Variants in PRKCE observed in about 807,000 individuals in gnomAD.
PRKCE encodes protein kinase C epsilon type.
A neutral mutation model predicts 85.4 loss-of-function variants in PRKCE; 16 were observed. The ratio of observed to expected loss-of-function variants is 0.19; its 90% CI spans 0.13 to 0.28. The LOEUF (loss-of-function observed/expected upper bound fraction) is 0.28, where lower values mean the gene tolerates loss of function less well. Among genes scored for constraint, PRKCE ranks in the 10% least tolerant of loss-of-function variants. The probability of loss-of-function intolerance (pLI) is 1.00; values close to 1 mark genes in which losing one functional copy is unlikely to be tolerated. For synonymous variants in PRKCE, 388 were observed against 371.5 expected (o/e 1.04, Z -0.51); for missense variants, 573 against 975.2 (o/e 0.59, Z 5.49).
At chr2:45,806,169 A>G (rs371584707) in intron 1 of PRKCE, among the ~76,000 whole-genome samples, 2 of 152,136 alleles carry the variant, frequency 1.3e-5, no homozygotes, top group Non-Finnish European at 2.9e-5. Context: ...CTACATCTAC[A>G]TCCTTGAGAA....
chr2:46,119,675 G>A (rs6719520), intron 11 of PRKCE, among the ~76,000 whole-genome samples: 5,694 of 152,202 alleles, frequency 0.037, 375 homozygotes, highest in African/African-American at 0.13. Flanking sequence ...CTTAGCAAGT[G>A]AAGAAATATT....
chr2:45,904,955 G>A (rs929259772), intron 2 of PRKCE, among the ~76,000 whole-genome samples: 10 of 152,210 alleles, frequency 6.6e-5, no homozygotes, highest in Non-Finnish European at 1.0e-4. Context: ...GGTCCCGGGC[G>A]TGGACCATGG....
intron 10 of PRKCE, among the ~76,000 whole-genome samples, chr2:46,015,510 C>T (rs139971919): frequency 1.5e-3 from 229 of 152,178 alleles, no homozygotes; most frequent in African/African-American, 5.3e-3. Context: ...AGCCAATCTC[C>T]CTTGCTGCCC....
intron 1 of PRKCE, among the ~76,000 whole-genome samples, chr2:45,662,913 T>C (rs770084647): frequency 6.6e-5 from 10 of 151,976 alleles, no homozygotes; most frequent in Non-Finnish European, 1.5e-4. Context: ...GAATGTAAGG[T>C]GTATGAACCT....
intron 2 of PRKCE, among the ~76,000 whole-genome samples, chr2:45,883,367 A>G (rs530168270): frequency 7.6e-4 from 116 of 152,352 alleles, no homozygotes; most frequent in Admixed American, 1.2e-3. Context: ...AGTGTGGGTG[A>G]AGACCCGAGG....
intron 10 of PRKCE, among the ~76,000 whole-genome samples, chr2:46,028,973 C>T (rs546121954): frequency 6.6e-6 from 1 of 152,168 alleles, no homozygotes; most frequent in Admixed American, 6.5e-5. Flanking sequence ...ATCCATGTCC[C>T]TGTAAAGGAC....
intron 1 of PRKCE, among the ~76,000 whole-genome samples, chr2:45,839,123 G>C (rs536067007): frequency 4.0e-5 from 5 of 125,034 alleles, no homozygotes; most frequent in African/African-American, 1.6e-4. Context: ...TGGGTGCTTA[G>C]TTAAAAAAAA....
At chr2:45,715,203 G>C (rs745661265) in intron 1 of PRKCE, among the ~76,000 whole-genome samples, 20 of 152,236 alleles carry the variant, frequency 1.3e-4, no homozygotes, top group Non-Finnish European at 1.5e-4. Flanking sequence ...CGCACCGCAG[G>C]AAGCAGAGGA....
chr2:45,818,982 G>A (rs1004481249), intron 1 of PRKCE, among the ~76,000 whole-genome samples: 6 of 152,168 alleles, frequency 3.9e-5, no homozygotes, highest in Non-Finnish European at 8.8e-5. Flanking sequence ...GCACTAAAAG[G>A]AGGTAGGGAG....
intron 11 of PRKCE, among the ~76,000 whole-genome samples, chr2:46,126,484 A>T (rs967899133): frequency 1.3e-5 from 2 of 152,126 alleles, no homozygotes; most frequent in African/African-American, 4.8e-5. Context: ...ACAGAAAGTG[A>T]TGGGAGTTGG....
intron 10 of PRKCE, among the ~76,000 whole-genome samples, chr2:46,040,662 C>G (rs1411625141): frequency 1.2e-4 from 18 of 152,102 alleles, no homozygotes; most frequent in Non-Finnish European, 1.2e-4. Flanking sequence ...CAAAATCTGC[C>G]TTTAAGTCTT....
Position 45,997,205 on chromosome 2 carries a change from C to G in PRKCE, c.824-4199C>G, listed in dbSNP as rs565065550. On this transcript the variant is annotated intron_variant, in intron 6 of 14. Transcript: ENST00000306156. Reference sequence around the variant, plus strand: ...TAATTTGTGTCTTCTCTTTCTCTCTCTCTCTCTCACTAGCCTTACTAGAGG... The same window carrying G: ...TAATTTGTGTCTTCTCTTTCTCTCTGTCTCTCTCACTAGCCTTACTAGAGG... 5.9e-5 allele frequency among the ~76,000 whole-genome samples: 9 copies of G among 152,268 alleles called. No individual in the cohort carries two copies. The East Asian group carries it at 1.7e-3, about 29-fold the overall frequency.
At chr2:45,990,657 T>C (rs1469087599) in intron 6 of PRKCE, among the ~76,000 whole-genome samples, 2 of 151,800 alleles carry the variant, frequency 1.3e-5, no homozygotes, top group Non-Finnish European at 1.5e-5. Context: ...TAAATTACTT[T>C]CTTTTTTTTT....
chr2:45,707,225 T>C (rs1679186196), intron 1 of PRKCE, among the ~76,000 whole-genome samples: 2 of 152,236 alleles, frequency 1.3e-5, no homozygotes. Flanking sequence ...TTACCAGGTC[T>C]GCTTGCAGCC....
intron 1 of PRKCE, among the ~76,000 whole-genome samples, chr2:45,771,414 C>A (rs2104915439): frequency 6.6e-6 from 1 of 152,280 alleles, no homozygotes; most frequent in South Asian, 2.1e-4. Context: ...CCTGGCGCGG[C>A]CACCTCCCCT....
chr2:45,826,748 T>G (rs527681777), intron 1 of PRKCE, among the ~76,000 whole-genome samples: 1 of 152,328 alleles, frequency 6.6e-6, no homozygotes, highest in South Asian at 2.1e-4. Flanking sequence ...AGCTCCATGT[T>G]TAGGTCAGGC....
At chr2:45,658,922 G>C (rs1675508352) in intron 1 of PRKCE, among the ~76,000 whole-genome samples, 1 of 152,214 alleles carries the variant, frequency 6.6e-6, no homozygotes, top group South Asian at 2.1e-4. Context: ...TCTAGAAGCT[G>C]CGGTCATTGT....
At chr2:45,823,710 C>T (rs1435818220) in intron 1 of PRKCE, among the ~76,000 whole-genome samples, 2 of 152,248 alleles carry the variant, frequency 1.3e-5, no homozygotes, top group African/African-American at 4.8e-5. Flanking sequence ...GGACAGAGAG[C>T]TTCCAGTGTT....
intron 2 of PRKCE, among the ~76,000 whole-genome samples, chr2:45,959,175 C>G (rs1042420622): frequency 6.6e-6 from 1 of 152,020 alleles, no homozygotes. Flanking sequence ...AGGTGGTTGT[C>G]GTGGTCTTGC....
Sources: gnomAD v4.1 joint callset for allele counts (sites outside exome capture counted in the v4.1 genomes callset) on GRCh38, gnomAD v4.1.1 for gene constraint, MANE v1.5 for transcripts, NCBI Gene and HGNC (gene_info 2026-07-23, HGNC 2026-07-21) for gene names.